The following PPP3CB variants were observed in gnomAD, a reference collection of about 807,000 sequenced individuals.
PPP3CB encodes the protein serine/threonine-protein phosphatase 2B catalytic subunit beta isoform.
A neutral mutation model predicts 66.4 loss-of-function variants in PPP3CB; 8 were observed. The observed-to-expected ratio is 0.12, with a 90% CI of 0.07 to 0.22. The LOEUF (loss-of-function observed/expected upper bound fraction) is 0.22. Among genes scored for constraint, PPP3CB ranks in the 10% least tolerant of loss-of-function variants. The probability of loss-of-function intolerance (pLI) is 1.00; values close to 1 mark genes in which losing one functional copy is unlikely to be tolerated. For missense variants in PPP3CB, 319 were observed against 642.5 expected, an observed-to-expected ratio of 0.50 and a Z score of 5.44; for synonymous variants, 208 against 221.2, an observed-to-expected ratio of 0.94 and a Z score of 0.53.
intron 9 of PPP3CB, among the ~76,000 whole-genome samples, chr10:73,462,780 T>C (rs189448786): frequency 1.3e-5 from 2 of 151,472 alleles, no homozygotes; most frequent in African/African-American, 4.8e-5. Context: ...CGAAACCCTG[T>C]CTCTGCGACA....
intron 1 of PPP3CB, among the ~76,000 whole-genome samples, chr10:73,483,814 TG>T (rs2056924726): frequency 6.6e-6 from 1 of 152,084 alleles, no homozygotes; most frequent in South Asian, 2.1e-4. Context: ...TAAAATAAGT[TG>T]CTCAATAGAG....
In PPP3CB at chr10:73,470,881, T is replaced by A; in HGVS notation, c.887+6A>T. ...TTAATTTGGGTCAGGGAAACAGAAT[T>A]CTTACCCTGCATCTTGAGCTTCATG... On this transcript the variant is annotated splice_donor_region_variant and intron_variant, in intron 7 of 13. Transcript: ENST00000360663. The A allele has an allele frequency of 6.2e-7, 1 of 1,611,388 alleles. No homozygotes were observed. Among genetic ancestry groups the A allele is most frequent in the Non-Finnish European group, 8.5e-7 (1 of 1,178,312 alleles).
chr10:73,463,187 A>G (rs181853627), intron 9 of PPP3CB, among the ~76,000 whole-genome samples: 112 of 152,064 alleles, frequency 7.4e-4, no homozygotes, highest in African/African-American at 2.4e-3. Context: ...TTCTACTTCT[A>G]CCATTCTTTT....
rs2056094885 is a variant in PPP3CB at position 73,438,147 on chromosome 10, G to A, written c.*95C>T. Reference sequence around the variant, plus strand: ...GCACAATGGTTTCTTCAGAGAGACTGTGAAATTTACAGTCAGCTTGGCCGA... The same window carrying A: ...GCACAATGGTTTCTTCAGAGAGACTATGAAATTTACAGTCAGCTTGGCCGA... On this transcript the variant is annotated 3_prime_UTR_variant, in exon 14 of 14. Coordinates refer to ENST00000360663, the MANE Select transcript of PPP3CB (RefSeq NM_021132.4). 5 of 1,254,588 alleles carry A rather than the reference G, an allele frequency of 4.0e-6. No homozygotes were observed. The highest frequency in any genetic ancestry group is 4.4e-6 in the Non-Finnish European group (4 of 903,106). 77.7% of individuals were successfully genotyped at this position (1,254,588 alleles called of 1,614,324 possible). A position where few individuals can be genotyped will look rare whatever the true frequency, so the allele number is the denominator to read the frequency against.
Position 73,479,466 on chromosome 10 carries a change from A to G in PPP3CB, c.137T>C (p.Leu46Ser), listed in dbSNP as rs138475102. 1.2e-6 allele frequency: 2 copies of G among 1,614,148 alleles called. No homozygotes were observed. Among genetic ancestry groups the G allele is most frequent in the Non-Finnish European group, 1.7e-6 (2 of 1,180,016 alleles). Reference sequence around the variant, plus strand: ...AACATCAACCCTGGGTATCCCATCCAAATCAAATACTTCTTCAGATGTCAA... The same window carrying G: ...AACATCAACCCTGGGTATCCCATCCGAATCAAATACTTCTTCAGATGTCAA... ...HRLTSEEVFD[L>S]DGIPRVDVLK... The change falls in exon 2 of 14, where the codon TTG (leucine) becomes TCG (serine). Residue 46 changes from leucine to serine, a missense_variant. Around this residue, in one of 5 missense-constraint regions of PPP3CB, gnomAD observed 104 missense variants for 128.4 expected, o/e 0.81. Coordinates refer to ENST00000360663, the MANE Select transcript of PPP3CB (RefSeq NM_021132.4).
In PPP3CB at chr10:73,438,268, C is replaced by A. The variant is rs775907792; in HGVS notation, c.1549G>T (p.Gly517Trp). ...CACTGGGCAGTATGGTTGCCCGTCC[C>A]GTGGTTCTCAGTGGCATGTGCGGTG... ...LNTAHATENH[G>W]TGNHTAQ The change falls in exon 14 of 14, where the codon GGG becomes TGG. Residue 517 changes from glycine (G) to tryptophan (W), a missense_variant. Physicochemically the swap from Gly to Trp is radical, Grantham distance 184 (BLOSUM62 -2). Transcript: ENST00000360663. 6.2e-7 allele frequency: 1 copy of A among 1,613,872 alleles called. No individual in the cohort carries two copies. Among genetic ancestry groups the A allele is most frequent in the Non-Finnish European group, 8.5e-7 (1 of 1,179,996 alleles).
At chr10:73,446,417 G>A in intron 11 of PPP3CB, 75 bp downstream of exon 11, 1 of 1,450,574 alleles carries the variant, frequency 6.9e-7, no homozygotes, top group Non-Finnish European at 9.6e-7. Context: ...GCTTTTAGAT[G>A]CGGGACAATG....
At chr10:73,462,713 G>C (rs1294129432) in intron 9 of PPP3CB, among the ~76,000 whole-genome samples, 1 of 152,048 alleles carries the variant, frequency 6.6e-6, no homozygotes, top group East Asian at 1.9e-4. Context: ...ACTTTGGGAG[G>C]TTGAGGTGGG....
At chr10:73,443,353 A>G (rs2056194729) in intron 12 of PPP3CB, among the ~76,000 whole-genome samples, 1 of 149,912 alleles carries the variant, frequency 6.7e-6, no homozygotes, top group Non-Finnish European at 1.5e-5. Flanking sequence ...GAGAAGAGAG[A>G]AAAGAAAAAA....
intron 9 of PPP3CB, among the ~76,000 whole-genome samples, chr10:73,463,658 T>C (rs1302009204): frequency 2.0e-5 from 3 of 152,192 alleles, no homozygotes; most frequent in Non-Finnish European, 4.4e-5. Flanking sequence ...TCCTTTCTCT[T>C]TTGAGACGGA....
chr10:73,487,144 T>C (rs2056992107), intron 1 of PPP3CB, among the ~76,000 whole-genome samples: 1 of 150,838 alleles, frequency 6.6e-6, no homozygotes. Context: ...TACTCCCGCC[T>C]GGGCGAGAGT....
At chr10:73,488,814 T>C (rs1045349296) in intron 1 of PPP3CB, among the ~76,000 whole-genome samples, 5 of 152,174 alleles carry the variant, frequency 3.3e-5, no homozygotes, top group Non-Finnish European at 5.9e-5. Context: ...CTTAATGTCA[T>C]TGTTCTCTTT....
chr10:73,455,461 T>C (rs1029974881), intron 9 of PPP3CB, among the ~76,000 whole-genome samples: 14 of 152,234 alleles, frequency 9.2e-5, no homozygotes, highest in Admixed American at 9.2e-4. Context: ...TTTCTGTCTA[T>C]TATCATATTT....
At chr10:73,476,378 A>G (rs527651350) in intron 3 of PPP3CB, among the ~76,000 whole-genome samples, 1 of 152,278 alleles carries the variant, frequency 6.6e-6, no homozygotes, top group Admixed American at 6.5e-5. Flanking sequence ...GCACTTCGGG[A>G]GGCCGAGGCA....
chr10:73,450,171 C>T lies in PPP3CB; in HGVS notation c.1187-3598G>A, dbSNP rs148313653. On this transcript the variant is annotated intron_variant, in intron 10 of 13. Transcript: ENST00000360663. ...GAAATCTCCAATCCCGCTCTCTTTC[C>T]CCAAAGAAAAACTAAACCCTTACTC... Among the ~76,000 whole-genome samples the T allele has an allele frequency of 2.4e-3, 367 of 152,210 alleles. 1 individual carries two copies. The highest frequency in any genetic ancestry group is 8.3e-3 in the African/African-American group (346 of 41,532).
intron 10 of PPP3CB, among the ~76,000 whole-genome samples, chr10:73,449,434 A>C (rs114751265): frequency 6.6e-6 from 1 of 152,230 alleles, no homozygotes; most frequent in Non-Finnish European, 1.5e-5. Flanking sequence ...AAGAGTAGGC[A>C]GCTGGGGTGG....
intron 1 of PPP3CB, among the ~76,000 whole-genome samples, chr10:73,495,113 A>C (rs2057164823): frequency 6.6e-6 from 1 of 152,136 alleles, no homozygotes; most frequent in Non-Finnish European, 1.5e-5. Context: ...CTTTTGACCA[A>C]AGTGTTGATG....
At chr10:73,489,441 T>A (rs1311269569) in intron 1 of PPP3CB, among the ~76,000 whole-genome samples, 1 of 152,048 alleles carries the variant, frequency 6.6e-6, no homozygotes, top group African/African-American at 2.4e-5. Context: ...ATGGTGATGG[T>A]TACCATTGGT....
chr10:73,485,129 A>G (rs575996028), intron 1 of PPP3CB, among the ~76,000 whole-genome samples: 1 of 152,314 alleles, frequency 6.6e-6, no homozygotes, highest in South Asian at 2.1e-4. Context: ...GGTAACATTC[A>G]TTTTGACCAA....
Sources: allele counts gnomAD v4.1 joint callset (sites outside exome capture counted in the v4.1 genomes callset), GRCh38; gene constraint gnomAD v4.1.1; regional missense constraint gnomAD v4.1.1; transcripts MANE v1.5; gene names NCBI Gene and HGNC (gene_info 2026-07-23, HGNC 2026-07-21).